GPC5: variants seen among roughly 807,000 people sequenced by gnomAD.
The protein encoded by GPC5 is glypican 5.
A neutral mutation model predicts 53.9 loss-of-function variants in GPC5; 47 were observed. That is an observed-to-expected ratio of 0.87 (90% CI 0.69 to 1.11). The LOEUF (loss-of-function observed/expected upper bound fraction) is 1.11. GPC5 is among the 50% of genes most tolerant of loss of function. The pLI is 0.00. For missense variants in GPC5, 748 were observed against 713.1 expected, an observed-to-expected ratio of 1.05 and a Z score of -0.56; for synonymous variants, 286 against 263.3, an observed-to-expected ratio of 1.09 and a Z score of -0.84.
At chr13:92,577,412 A>ATGTGTGTG (rs1198171581) in intron 7 of GPC5, among the ~76,000 whole-genome samples, 1,172 of 107,312 alleles carry the variant, frequency 0.011, 13 homozygotes, top group African/African-American at 0.037. Flanking sequence ...GTAAGTATGT[A>ATGTGTGTG]TGTATATGTG....
intron 2 of GPC5, among the ~76,000 whole-genome samples, chr13:91,528,117 T>C (rs889046875): frequency 6.6e-6 from 1 of 152,206 alleles, no homozygotes; most frequent in African/African-American, 2.4e-5. Flanking sequence ...AGACTTGAAT[T>C]TCTCCCCAGA....
chr13:92,754,958 C>G (rs2139331188), intron 7 of GPC5, among the ~76,000 whole-genome samples: 1 of 152,050 alleles, frequency 6.6e-6, no homozygotes. Context: ...AGGAATTGAA[C>G]TCAGCTCTGC....
rs1257702329 is a variant in GPC5, at chr13:91,734,574, G to A, written c.1154+5909G>A. 1.3e-5 allele frequency among the ~76,000 whole-genome samples: 2 copies of A among 151,466 alleles called. 1 individual carries two copies. The highest frequency in any genetic ancestry group is 4.9e-5 in the African/African-American group (2 of 40,750). On this transcript the variant is annotated intron_variant, in intron 4 of 7. Transcript: ENST00000377067. ...AATTCCTGGAAGGAAAATAGCCACAGGTCCCTGTAGGGAATGGATGGAGGA... is the reference window on the plus strand; with the variant it reads ...AATTCCTGGAAGGAAAATAGCCACAAGTCCCTGTAGGGAATGGATGGAGGA...
chr13:92,632,861 T>A (rs192570995), intron 7 of GPC5, among the ~76,000 whole-genome samples: 1 of 152,096 alleles, frequency 6.6e-6, no homozygotes, highest in Non-Finnish European at 1.5e-5. Flanking sequence ...AGAGAACTTC[T>A]GCAGAGAAAC....
chr13:92,271,467 A>G (rs779872618), intron 7 of GPC5, among the ~76,000 whole-genome samples: 11 of 152,210 alleles, frequency 7.2e-5, no homozygotes, highest in Non-Finnish European at 1.3e-4. Context: ...CTTATTATAT[A>G]TTTCCAGGTA....
intron 3 of GPC5, among the ~76,000 whole-genome samples, chr13:91,698,091 C>T (rs1056933323): frequency 1.1e-4 from 17 of 151,940 alleles, no homozygotes; most frequent in East Asian, 1.9e-4. Flanking sequence ...TTAGTAGAGA[C>T]GGGGTTTCAC....
At chr13:92,291,626 A>C (rs933275858) in intron 7 of GPC5, among the ~76,000 whole-genome samples, 7 of 152,198 alleles carry the variant, frequency 4.6e-5, no homozygotes, top group Admixed American at 3.9e-4. Context: ...AGGCTGCTGG[A>C]GCCAGCAGTG....
chr13:91,892,086 A>G (rs1594645224), intron 5 of GPC5, among the ~76,000 whole-genome samples: 1 of 152,030 alleles, frequency 6.6e-6, no homozygotes, highest in Non-Finnish European at 1.5e-5. Flanking sequence ...TCTTTAGAAT[A>G]CTCACATTGA....
intron 7 of GPC5, among the ~76,000 whole-genome samples, chr13:92,578,924 C>T (rs1422796873): frequency 6.6e-6 from 1 of 152,098 alleles, no homozygotes; most frequent in Non-Finnish European, 1.5e-5. Flanking sequence ...CTTAAAAATA[C>T]ATCACATGAT....
intron 5 of GPC5, among the ~76,000 whole-genome samples, chr13:91,844,048 G>A (rs994863617): frequency 6.6e-6 from 1 of 152,142 alleles, no homozygotes; most frequent in African/African-American, 2.4e-5. Flanking sequence ...TTTATCTGAT[G>A]TGAAGTCTCA....
intron 7 of GPC5, among the ~76,000 whole-genome samples, chr13:92,526,793 G>T (rs1168886895): frequency 2.0e-5 from 3 of 151,730 alleles, no homozygotes; most frequent in Admixed American, 1.3e-4. Flanking sequence ...TGTGTTTTAG[G>T]TTTAAAATTA....
chr13:92,753,008 T>C (rs1158111690), intron 7 of GPC5, among the ~76,000 whole-genome samples: 1 of 152,162 alleles, frequency 6.6e-6, no homozygotes, highest in Non-Finnish European at 1.5e-5. Flanking sequence ...GAGGCCTGCC[T>C]GCCTCTGTAG....
intron 6 of GPC5, among the ~76,000 whole-genome samples, chr13:92,008,387 A>T (rs1053709062): frequency 6.6e-6 from 1 of 151,944 alleles, no homozygotes. Flanking sequence ...TTACCTACAG[A>T]TTGAACATTT....
intron 6 of GPC5, among the ~76,000 whole-genome samples, chr13:91,926,510 C>A (rs2139024994): frequency 6.6e-6 from 1 of 152,254 alleles, no homozygotes; most frequent in South Asian, 2.1e-4. Context: ...GATATCCAGA[C>A]CTGTTCCATG....
chr13:92,345,898 T>G (rs1216755877), intron 7 of GPC5, among the ~76,000 whole-genome samples: 1 of 152,174 alleles, frequency 6.6e-6, no homozygotes, highest in Admixed American at 6.5e-5. Context: ...CGCTGGTATT[T>G]TTGTGTTCTT....
chr13:92,116,210 C>G (rs1166616656), intron 6 of GPC5, among the ~76,000 whole-genome samples: 5 of 152,086 alleles, frequency 3.3e-5, no homozygotes, highest in African/African-American at 1.2e-4. Flanking sequence ...GATTGTACCA[C>G]TGAATCCAGC....
chr13:92,414,877 GACCTTGTT>G (rs1876213999), intron 7 of GPC5, among the ~76,000 whole-genome samples: 2 of 152,122 alleles, frequency 1.3e-5, no homozygotes, highest in African/African-American at 4.8e-5. Context: ...CTGCCCTTTT[GACCTTGTT>G]ACCTCCCAAG....
At chr13:92,118,668 C>CG (rs2041619985) in intron 6 of GPC5, among the ~76,000 whole-genome samples, 1 of 152,172 alleles carries the variant, frequency 6.6e-6, no homozygotes, top group South Asian at 2.1e-4. Flanking sequence ...ATTAAACCCA[C>CG]CCCTGTTACA....
intron 6 of GPC5, among the ~76,000 whole-genome samples, chr13:91,962,557 C>T (rs912534237): frequency 2.0e-5 from 3 of 151,992 alleles, no homozygotes; most frequent in Non-Finnish European, 4.4e-5. Flanking sequence ...GTTGCACAGT[C>T]TTAGTATTAG....
Sources: allele counts gnomAD v4.1 joint callset (sites outside exome capture counted in the v4.1 genomes callset), GRCh38; gene constraint gnomAD v4.1.1; transcripts MANE v1.5; gene names NCBI Gene and HGNC (gene_info 2026-07-23, HGNC 2026-07-21).